The following TRHDE variants were observed in gnomAD, a reference collection of about 807,000 sequenced individuals.
TRHDE encodes thyrotropin releasing hormone degrading enzyme.
Under a neutral mutation model 125.7 loss-of-function variants are expected in TRHDE, and 72 were observed. That is an observed-to-expected ratio of 0.57 (90% confidence interval 0.47 to 0.70). The LOEUF is 0.70. TRHDE is among the 30% of genes least tolerant of loss of function. TRHDE has a pLI of 0.00. For synonymous variants in TRHDE, 509 were observed against 509.1 expected, an observed-to-expected ratio of 1.00 and a Z score of 0.00; for missense variants, 1,110 against 1,327.1, an observed-to-expected ratio of 0.84 and a Z score of 2.54.
chr12:72,311,187 G>T (rs969405303), intron 2 of TRHDE, among the ~76,000 whole-genome samples: 3 of 151,750 alleles, frequency 2.0e-5, no homozygotes, highest in Admixed American at 2.0e-4. Context: ...CCAGCTCCAG[G>T]CCTTGGCAAC....
intron 12 of TRHDE, among the ~76,000 whole-genome samples, chr12:72,588,133 C>A (rs1484778209): frequency 6.6e-6 from 1 of 152,104 alleles, no homozygotes; most frequent in East Asian, 1.9e-4. Context: ...AGTGCATTGA[C>A]CTTTCTTATT....
chr12:72,464,290 C>A (rs1055421154), intron 3 of TRHDE, among the ~76,000 whole-genome samples: 4 of 152,134 alleles, frequency 2.6e-5, no homozygotes, highest in Admixed American at 6.6e-5. Context: ...GCTGCTATAA[C>A]CAAATACCTG....
intron 15 of TRHDE, among the ~76,000 whole-genome samples, chr12:72,633,795 A>C (rs2136089076): frequency 6.6e-6 from 1 of 152,260 alleles, no homozygotes; most frequent in Admixed American, 6.5e-5. Context: ...GGATTATAAA[A>C]GTGTATTTTA....
At chr12:72,277,935 T>C (rs545558352) in intron 1 of TRHDE, among the ~76,000 whole-genome samples, 1 of 152,282 alleles carries the variant, frequency 6.6e-6, no homozygotes, top group East Asian at 1.9e-4. Context: ...CATATAGCTA[T>C]TTTTGTGGTG....
chr12:72,517,315 T>C (rs1485247427), intron 6 of TRHDE, among the ~76,000 whole-genome samples: 10 of 151,656 alleles, frequency 6.6e-5, no homozygotes, highest in Non-Finnish European at 1.5e-4. Context: ...ATTGCCACAA[T>C]TTCAGCTCCT....
chr12:72,525,256 A>C (rs554041076), intron 6 of TRHDE, among the ~76,000 whole-genome samples: 7 of 152,248 alleles, frequency 4.6e-5, no homozygotes, highest in East Asian at 1.9e-4. Flanking sequence ...AAAAGCTAGA[A>C]TCTCCATTTA....
intron 2 of TRHDE, among the ~76,000 whole-genome samples, chr12:72,178,284 T>A (rs949273991): frequency 7.2e-5 from 11 of 152,098 alleles, no homozygotes; most frequent in Non-Finnish European, 1.2e-4. Flanking sequence ...TCAGACAGTT[T>A]ACTGCTATTA....
chr12:72,389,203 A>C (rs1022788224), intron 3 of TRHDE, among the ~76,000 whole-genome samples: 1 of 152,164 alleles, frequency 6.6e-6, no homozygotes, highest in Non-Finnish European at 1.5e-5. Context: ...CAGATAATGC[A>C]TTGCTGAAGT....
At chr12:72,136,235 A>G (rs1470275932) in intron 2 of TRHDE, among the ~76,000 whole-genome samples, 2 of 152,190 alleles carry the variant, frequency 1.3e-5, no homozygotes, top group East Asian at 1.9e-4. Flanking sequence ...GTGCACTGTA[A>G]TGGAACAGAA....
At chr12:72,599,473 T>C (rs934088346) in intron 12 of TRHDE, among the ~76,000 whole-genome samples, 2 of 152,150 alleles carry the variant, frequency 1.3e-5, no homozygotes, top group African/African-American at 4.8e-5. Context: ...TGATGATTAG[T>C]GATGTGGGTC....
intron 2 of TRHDE, among the ~76,000 whole-genome samples, chr12:72,222,386 T>G (rs886287078): frequency 1.3e-5 from 2 of 152,086 alleles, no homozygotes; most frequent in Admixed American, 1.3e-4. Context: ...CTTGGATATA[T>G]CTGAGGGAAA....
At chr12:72,435,549 A>G (rs1874701049) in intron 3 of TRHDE, among the ~76,000 whole-genome samples, 1 of 151,710 alleles carries the variant, frequency 6.6e-6, no homozygotes, top group African/African-American at 2.4e-5. Context: ...TGTTAATAAC[A>G]TTGTCCTATT....
At chr12:72,238,562 G>C (rs1878410481) in intron 2 of TRHDE, among the ~76,000 whole-genome samples, 1 of 150,586 alleles carries the variant, frequency 6.6e-6, no homozygotes, top group African/African-American at 2.4e-5. Flanking sequence ...CAAACTGGCA[G>C]GCCCCGGTGT....
intron 7 of TRHDE, among the ~76,000 whole-genome samples, chr12:72,543,202 CA>C (rs1468675109): frequency 6.6e-6 from 1 of 151,330 alleles, no homozygotes; most frequent in African/African-American, 2.4e-5. Context: ...GGGTCCAGGT[CA>C]TATTTTAGTA....
chr12:72,620,003 G>T (rs895809025), intron 13 of TRHDE, among the ~76,000 whole-genome samples: 7 of 151,514 alleles, frequency 4.6e-5, no homozygotes, highest in African/African-American at 1.7e-4. Flanking sequence ...GAATAATTAC[G>T]TTCATTGTTA....
intron 1 of TRHDE, among the ~76,000 whole-genome samples, chr12:72,088,045 T>C (rs754502062): frequency 1.3e-5 from 2 of 152,048 alleles, no homozygotes; most frequent in Non-Finnish European, 2.9e-5. Flanking sequence ...TCACTAAATT[T>C]GGTGGAAATG....
At chr12:72,481,138 A>AG (rs1877149137) in intron 5 of TRHDE, among the ~76,000 whole-genome samples, 1 of 152,040 alleles carries the variant, frequency 6.6e-6, no homozygotes, top group South Asian at 2.1e-4. Flanking sequence ...ATCCTTAACC[A>AG]GACAGCTATA....
intron 4 of TRHDE, among the ~76,000 whole-genome samples, chr12:72,471,198 A>G (rs1876633627): frequency 6.6e-6 from 1 of 151,950 alleles, no homozygotes; most frequent in African/African-American, 2.4e-5. Context: ...AGTTTTTTGC[A>G]CTGAACCTGT....
chr12:72,571,437 T>C (rs1231797455), intron 10 of TRHDE, among the ~76,000 whole-genome samples: 1 of 152,202 alleles, frequency 6.6e-6, no homozygotes, highest in African/African-American at 2.4e-5. Flanking sequence ...ACAAATTAGA[T>C]TTGGATCGTC....
Sources: allele counts gnomAD v4.1 joint callset (sites outside exome capture counted in the v4.1 genomes callset), GRCh38; gene constraint gnomAD v4.1.1; transcripts MANE v1.5; gene names NCBI Gene and HGNC (gene_info 2026-07-23, HGNC 2026-07-21).